Variants in MCTP1 observed in about 807,000 individuals in gnomAD.
The protein encoded by MCTP1 is multiple C2 and transmembrane domain containing 1.
In MCTP1, 69 loss-of-function variants were observed where a neutral mutation model predicts 120.6. That is an observed-to-expected ratio of 0.57 (90% CI 0.47 to 0.70). The LOEUF (loss-of-function observed/expected upper bound fraction) is 0.70, where lower values mean the gene tolerates loss of function less well. Among genes scored for constraint, MCTP1 ranks in the 30% least tolerant of loss-of-function variants. MCTP1 has a pLI of 0.00. For synonymous variants in MCTP1, 529 were observed against 493.1 expected, an observed-to-expected ratio of 1.07 and a Z score of -0.96; for missense variants, 1,203 against 1,248.8, an observed-to-expected ratio of 0.96 and a Z score of 0.55.
intron 1 of MCTP1, among the ~76,000 whole-genome samples, chr5:95,189,591 G>T (rs967968167): frequency 6.6e-6 from 1 of 152,010 alleles, no homozygotes; most frequent in African/African-American, 2.4e-5. Context: ...GGCCTTAAAG[G>T]GAAGGGTATA....
In MCTP1 at chr5:94,707,187, T is replaced by TTGTGTG. The variant is rs1186878337; in HGVS notation, c.*308_*309insCACACA. The TTGTGTG allele has an allele frequency of 4.4e-6, 1 of 225,240 alleles. No individual in the cohort carries two copies. Among genetic ancestry groups the TTGTGTG allele is most frequent in the Admixed American group, 5.5e-5 (1 of 18,258 alleles). The allele number at this position is 225,240 out of a possible 1,614,324, so 14.0% of individuals were successfully genotyped here. A position where few individuals can be genotyped will look rare whatever the true frequency, so the allele number is the denominator to read the frequency against. On this transcript the variant is annotated 3_prime_UTR_variant, in exon 23 of 23. Transcript: ENST00000515393. ...GAGCACAGGTGAGTATTTAATCCAC[T>TTGTGTG]AGTAATTAGATAAGAATATATCTTC...
At chr5:94,932,972 A>T (rs1815183175) in intron 5 of MCTP1, among the ~76,000 whole-genome samples, 1 of 152,006 alleles carries the variant, frequency 6.6e-6, no homozygotes, top group Non-Finnish European at 1.5e-5. Context: ...TTAATATAAG[A>T]TGAGGGCAAC....
At chr5:94,856,102 T>G (rs1402265434) in intron 17 of MCTP1, among the ~76,000 whole-genome samples, 3 of 151,764 alleles carry the variant, frequency 2.0e-5, no homozygotes, top group African/African-American at 7.2e-5. Context: ...TGGGGAAAAT[T>G]ATATAGTGTT....
At chr5:95,167,687 T>C (rs1304315396) in intron 1 of MCTP1, among the ~76,000 whole-genome samples, 2 of 152,394 alleles carry the variant, frequency 1.3e-5, no homozygotes, top group African/African-American at 2.4e-5. Flanking sequence ...TCATGTGTCT[T>C]TTGGCTACAT....
chr5:95,069,357 T>C (rs1014846193), intron 1 of MCTP1, among the ~76,000 whole-genome samples: 1 of 152,232 alleles, frequency 6.6e-6, no homozygotes, highest in African/African-American at 2.4e-5. Flanking sequence ...AAGTTTATTG[T>C]ATCAAACATA....
intron 12 of MCTP1, 25 bp downstream of exon 12, chr5:94,888,854 A>G (rs1314292687): frequency 6.8e-7 from 1 of 1,460,410 alleles, no homozygotes; most frequent in Admixed American, 1.7e-5. Context: ...GATCTGAGCA[A>G]TAGGAGAATT....
At chr5:94,777,291 G>A (rs764373846) in intron 19 of MCTP1, among the ~76,000 whole-genome samples, 14 of 152,110 alleles carry the variant, frequency 9.2e-5, no homozygotes, top group Admixed American at 5.2e-4. Flanking sequence ...TACAATAGAT[G>A]TTACTCCAGA....
intron 19 of MCTP1, among the ~76,000 whole-genome samples, chr5:94,725,593 C>G (rs1264295481): frequency 6.6e-6 from 1 of 152,116 alleles, no homozygotes; most frequent in Non-Finnish European, 1.5e-5. Flanking sequence ...GTTGAAAGTT[C>G]AAATGCAGAG....
intron 19 of MCTP1, among the ~76,000 whole-genome samples, chr5:94,716,291 A>T (rs1759297653): frequency 6.6e-6 from 1 of 152,210 alleles, no homozygotes; most frequent in Non-Finnish European, 1.5e-5. Flanking sequence ...CAGTATTGGG[A>T]ACAGCTAGTT....
chr5:94,936,877 G>A (rs2153492793), intron 5 of MCTP1, among the ~76,000 whole-genome samples: 1 of 152,062 alleles, frequency 6.6e-6, no homozygotes. Context: ...TTCCAATGGG[G>A]GAATCTTTCT....
chr5:95,159,097 A>G (rs911996477), intron 1 of MCTP1, among the ~76,000 whole-genome samples: 2 of 152,200 alleles, frequency 1.3e-5, no homozygotes, highest in African/African-American at 4.8e-5. Flanking sequence ...TTAAAATGAC[A>G]TCACGTCTAA....
intron 17 of MCTP1, among the ~76,000 whole-genome samples, chr5:94,833,489 A>G (rs1339883603): frequency 6.6e-6 from 1 of 152,224 alleles, no homozygotes; most frequent in Non-Finnish European, 1.5e-5. Context: ...TTATTTGCAT[A>G]GTTTTAATGA....
At chr5:95,204,361 G>A (rs988974679) in intron 1 of MCTP1, among the ~76,000 whole-genome samples, 16 of 152,018 alleles carry the variant, frequency 1.1e-4, no homozygotes, top group Non-Finnish European at 2.4e-4. Flanking sequence ...GATTAAAAGG[G>A]AGCATCCTCA....
rs1746877914 is a variant in MCTP1, at chr5:95,054,625, CAACACACACCAGTCAGT to C, written c.721-37158_721-37142del. ...TTTACAGGAGCAGAGGTCCCCCCTA[CAACACACACCAGTCAGT>C]AACTATAAACTGAATCCCCACCATG... On this transcript the variant is annotated intron_variant, in intron 1 of 22. Transcript: ENST00000515393. Among the ~76,000 whole-genome samples the C allele has an allele frequency of 2.0e-5, 3 of 152,248 alleles. No individual in the cohort carries two copies. In the South Asian group the frequency reaches 6.2e-4, roughly 32 times the overall value.
chr5:95,182,413 C>T (rs1485172769), intron 1 of MCTP1, among the ~76,000 whole-genome samples: 4 of 152,210 alleles, frequency 2.6e-5, no homozygotes, highest in Admixed American at 2.6e-4. Flanking sequence ...CTACTCCTGA[C>T]ACTTTTTTCC....
At chr5:94,962,587 T>C (rs1824549360) in intron 2 of MCTP1, among the ~76,000 whole-genome samples, 1 of 151,970 alleles carries the variant, frequency 6.6e-6, no homozygotes, top group Admixed American at 6.6e-5. Context: ...TGGATGGGAT[T>C]GGAGACTATT....
intron 17 of MCTP1, among the ~76,000 whole-genome samples, chr5:94,840,046 G>A (rs1450216721): frequency 6.6e-6 from 1 of 152,126 alleles, no homozygotes; most frequent in Admixed American, 6.6e-5. Context: ...TGGAAATACA[G>A]TTGCATGTGA....
chr5:95,140,046 C>T (rs1051429058), intron 1 of MCTP1, among the ~76,000 whole-genome samples: 2 of 152,210 alleles, frequency 1.3e-5, no homozygotes, highest in African/African-American at 2.4e-5. Flanking sequence ...AACCCACTTT[C>T]ATCTCAGCTT....
intron 1 of MCTP1, among the ~76,000 whole-genome samples, chr5:95,145,649 A>G (rs779491767): frequency 2.6e-5 from 4 of 152,166 alleles, no homozygotes; most frequent in Non-Finnish European, 5.9e-5. Flanking sequence ...TAAGATAATC[A>G]TATGGGTTTT....
Sources: allele counts gnomAD v4.1 joint callset (sites outside exome capture counted in the v4.1 genomes callset), GRCh38; gene constraint gnomAD v4.1.1; transcripts MANE v1.5; gene names NCBI Gene and HGNC (gene_info 2026-07-23, HGNC 2026-07-21).